Variants in DLGAP2 observed in about 807,000 individuals in gnomAD.
DLGAP2 encodes DLG associated protein 2, also known as disks large-associated protein 2.
Under a neutral mutation model 100.3 loss-of-function variants are expected in DLGAP2, and 26 were observed. The ratio of observed to expected loss-of-function variants is 0.26; its 90% CI spans 0.19 to 0.36. The LOEUF (loss-of-function observed/expected upper bound fraction) is 0.36. DLGAP2 is among the 10% of genes least tolerant of loss of function. The pLI is 1.00. For missense variants in DLGAP2, 1,858 were observed against 1,453.2 expected (o/e 1.28, Z -4.53); for synonymous variants, 886 against 630.1 (o/e 1.41, Z -6.08).
At chr8:862,239 G>A (rs1009781801) in intron 1 of DLGAP2, among the ~76,000 whole-genome samples, 9 of 151,930 alleles carry the variant, frequency 5.9e-5, no homozygotes, top group Non-Finnish European at 8.8e-5. Flanking sequence ...TGTGGTGGAC[G>A]GTACCCTTTT....
intron 4 of DLGAP2, among the ~76,000 whole-genome samples, chr8:1,531,301 A>G (rs967655395): frequency 1.3e-5 from 2 of 151,490 alleles, no homozygotes; most frequent in Non-Finnish European, 2.9e-5. Context: ...GACAAATTTC[A>G]TAAGAGATAA....
intron 1 of DLGAP2, among the ~76,000 whole-genome samples, chr8:862,171 C>T (rs1202324378): frequency 1.3e-5 from 2 of 152,148 alleles, no homozygotes; most frequent in Non-Finnish European, 2.9e-5. Flanking sequence ...AGGCTCCGGG[C>T]CTCGTCCAGA....
chr8:898,017 G>A (rs371665689), intron 1 of DLGAP2, among the ~76,000 whole-genome samples: 2 of 150,818 alleles, frequency 1.3e-5, no homozygotes, highest in African/African-American at 4.9e-5. Flanking sequence ...GTGAGCTCCC[G>A]CCACGTGTGA....
chr8:1,151,744 C>G (rs1039870319), intron 2 of DLGAP2, among the ~76,000 whole-genome samples: 4 of 152,240 alleles, frequency 2.6e-5, no homozygotes, highest in Admixed American at 6.5e-5. Context: ...CTCATCTTCT[C>G]CATCCCCAGG....
At chr8:780,784 C>T (rs2132623271) in intron 1 of DLGAP2, among the ~76,000 whole-genome samples, 1 of 152,342 alleles carries the variant, frequency 6.6e-6, no homozygotes, top group Admixed American at 6.5e-5. Context: ...GTTCCTGCCG[C>T]CTCACCAAAG....
chr8:962,034 A>G (rs548496676), intron 2 of DLGAP2, among the ~76,000 whole-genome samples: 64 of 152,360 alleles, frequency 4.2e-4, no homozygotes, highest in African/African-American at 1.5e-3. Context: ...GTTAGAATGA[A>G]TATAATTTAA....
chr8:1,206,284 G>T lies in DLGAP2; in HGVS notation c.74-52567G>T, dbSNP rs562636090. Among the ~76,000 whole-genome samples, 3 of 151,950 alleles carry T rather than the reference G, an allele frequency of 2.0e-5. 1 individual carries two copies. The East Asian group carries it at 5.9e-4, about 30-fold the overall frequency. On this transcript the variant is annotated intron_variant, in intron 2 of 14. Transcript: ENST00000637795. ...CAGCTCCAGCCATCCATGGGCTGGGGTAGACTGTGAGCGGTTAATCTCCAG... is the reference window on the plus strand; with the variant it reads ...CAGCTCCAGCCATCCATGGGCTGGGTTAGACTGTGAGCGGTTAATCTCCAG...
chr8:1,436,972 C>T (rs1024620793), intron 3 of DLGAP2, among the ~76,000 whole-genome samples: 1 of 152,254 alleles, frequency 6.6e-6, no homozygotes, highest in Non-Finnish European at 1.5e-5. Flanking sequence ...AGCCTGGGAG[C>T]AGGAGGCCTA....
intron 13 of DLGAP2, among the ~76,000 whole-genome samples, chr8:1,694,836 T>A (rs946415598): frequency 6.6e-6 from 1 of 151,838 alleles, no homozygotes; most frequent in Non-Finnish European, 1.5e-5. Flanking sequence ...GGAAAGGGAA[T>A]GGCATGGCAC....
At chr8:1,524,711 A>T (rs1043461193) in intron 4 of DLGAP2, among the ~76,000 whole-genome samples, 2 of 152,130 alleles carry the variant, frequency 1.3e-5, no homozygotes, top group East Asian at 3.9e-4. Flanking sequence ...CCAAGGGTAC[A>T]AGTGACGTCA....
chr8:1,179,884 C>T (rs368723737), intron 2 of DLGAP2, among the ~76,000 whole-genome samples: 17 of 152,126 alleles, frequency 1.1e-4, no homozygotes, highest in African/African-American at 3.9e-4. Context: ...CTAAAGTGTA[C>T]AAATAATTAT....
intron 2 of DLGAP2, among the ~76,000 whole-genome samples, chr8:988,605 G>T (rs1423276702): frequency 6.6e-6 from 1 of 152,216 alleles, no homozygotes; most frequent in South Asian, 2.1e-4. Flanking sequence ...TCCCTTCCAG[G>T]GTCTGATGTC....
intron 2 of DLGAP2, among the ~76,000 whole-genome samples, chr8:1,028,087 C>G (rs1801863331): frequency 7.1e-6 from 1 of 141,276 alleles, no homozygotes; most frequent in African/African-American, 2.7e-5. Flanking sequence ...GCCCGTTATT[C>G]TCCAGGTGGG....
intron 6 of DLGAP2, among the ~76,000 whole-genome samples, chr8:1,573,302 A>G (rs1802821975): frequency 9.0e-6 from 1 of 110,860 alleles, no homozygotes; most frequent in African/African-American, 3.6e-5. Context: ...TGAGATGGAG[A>G]GGAGAGAGGG....
At chr8:752,033 G>A (rs956421278) in intron 1 of DLGAP2, among the ~76,000 whole-genome samples, 3 of 152,194 alleles carry the variant, frequency 2.0e-5, no homozygotes, top group African/African-American at 7.2e-5. Flanking sequence ...GCTTAGAAGA[G>A]GGTCTCCCTC....
chr8:1,303,818 G>A (rs1483813305), intron 3 of DLGAP2, among the ~76,000 whole-genome samples: 1 of 152,206 alleles, frequency 6.6e-6, no homozygotes, highest in Non-Finnish European at 1.5e-5. Flanking sequence ...GCTGCGCTGA[G>A]GAGAAGGCGG....
At chr8:896,855 G>C (rs923008967) in intron 1 of DLGAP2, among the ~76,000 whole-genome samples, 2 of 152,214 alleles carry the variant, frequency 1.3e-5, no homozygotes, top group Admixed American at 6.5e-5. Context: ...ACTAAGACAA[G>C]TGGTGTCTCT....
At chr8:1,360,278 CTGGGG>C (rs1161102769) in intron 3 of DLGAP2, among the ~76,000 whole-genome samples, 37 of 98,394 alleles carry the variant, frequency 3.8e-4, no homozygotes, top group African/African-American at 1.5e-3. Context: ...CGGGGCTTCT[CTGGGG>C]CGGGGCTTCT....
intron 3 of DLGAP2, among the ~76,000 whole-genome samples, chr8:1,469,492 G>C (rs960454011): frequency 1.3e-5 from 2 of 152,238 alleles, no homozygotes; most frequent in African/African-American, 4.8e-5. Context: ...TTCTTCGGAA[G>C]CTACTGGAAA....
Sources: allele counts gnomAD v4.1 joint callset (sites outside exome capture counted in the v4.1 genomes callset), GRCh38; gene constraint gnomAD v4.1.1; transcripts MANE v1.5; gene names NCBI Gene and HGNC (gene_info 2026-07-23, HGNC 2026-07-21).